Variants in STARD6 observed in about 807,000 individuals in gnomAD.
The protein encoded by STARD6 is stAR-related lipid transfer protein 6.
STARD6 carries 21 observed loss-of-function variants against 22.3 expected under a neutral mutation model. The observed-to-expected ratio is 0.94, with a 90% confidence interval of 0.67 to 1.35. The LOEUF is 1.35. Ranked by LOEUF, STARD6 falls within the 40% of genes most tolerant of loss-of-function variation. The pLI is 0.00. For synonymous variants in STARD6, 80 were observed against 88.1 expected (o/e 0.91, Z 0.52); for missense variants, 269 against 266.9 (o/e 1.01, Z -0.05).
chr18:54,339,020 C>T (rs576976572), intron 4 of STARD6, among the ~76,000 whole-genome samples: 21 of 123,854 alleles, frequency 1.7e-4, no homozygotes, highest in African/African-American at 5.8e-4. Context: ...TGCACTCCAG[C>T]CTGGCGACAG....
chr18:54,341,595 T>C (rs1197420938), intron 4 of STARD6, among the ~76,000 whole-genome samples: 1 of 152,210 alleles, frequency 6.6e-6, no homozygotes, highest in African/African-American at 2.4e-5. Flanking sequence ...CACAATGGAA[T>C]TAAATTTTAA....
chr18:54,326,524 G>A (rs1050385023), intron 7 of STARD6, among the ~76,000 whole-genome samples: 18 of 151,186 alleles, frequency 1.2e-4, no homozygotes, highest in Non-Finnish European at 2.7e-4. Flanking sequence ...TAGAGATGGG[G>A]TTTCACCATG....
At chr18:54,325,444 T>TGC (rs2088817615) in intron 7 of STARD6, among the ~76,000 whole-genome samples, 1 of 152,208 alleles carries the variant, frequency 6.6e-6, no homozygotes, top group Admixed American at 6.5e-5. Context: ...AGACAGTATT[T>TGC]CATTTTCTAT....
intron 7 of STARD6, among the ~76,000 whole-genome samples, chr18:54,328,015 C>G (rs901860360): frequency 5.3e-5 from 8 of 152,222 alleles, no homozygotes; most frequent in African/African-American, 1.9e-4. Flanking sequence ...GATGTGAAAT[C>G]ATCCCTTTAC....
In STARD6 at chr18:54,349,087, C is replaced by T. The variant is rs144499340; in HGVS notation, c.140+4967G>A. Among the ~76,000 whole-genome samples the T allele has an allele frequency of 1.1e-4, 16 of 151,962 alleles. 1 individual carries two copies. Among genetic ancestry groups the T allele is most frequent in the Non-Finnish European group, 2.2e-4 (15 of 67,974 alleles). On this transcript the variant is annotated intron_variant, in intron 4 of 7. Transcript: ENST00000307844. ...TGGTGCCTATTAAAGTTAGTATCCTCATCAAGTTTATATTCTAATATGAGA... is the reference window on the plus strand; with the variant it reads ...TGGTGCCTATTAAAGTTAGTATCCTTATCAAGTTTATATTCTAATATGAGA...
chr18:54,336,136 A>C (rs1374652174), intron 5 of STARD6, among the ~76,000 whole-genome samples: 1 of 150,998 alleles, frequency 6.6e-6, no homozygotes, highest in African/African-American at 2.4e-5. Context: ...TCAACTTTCT[A>C]CTCCAATTAC....
chr18:54,330,213 T>G (rs2088855508), intron 6 of STARD6, among the ~76,000 whole-genome samples: 1 of 152,086 alleles, frequency 6.6e-6, no homozygotes, highest in African/African-American at 2.4e-5. Context: ...GGAAATACAA[T>G]GTAAAACACT....
intron 4 of STARD6, among the ~76,000 whole-genome samples, chr18:54,337,502 G>T (rs1421255087): frequency 1.3e-5 from 2 of 152,146 alleles, no homozygotes; most frequent in African/African-American, 4.8e-5. Flanking sequence ...TTAAGTTTTT[G>T]GGGAGTCAAA....
chr18:54,326,785 TTGAA>T lies in STARD6; in HGVS notation c.480-1914_480-1911del, dbSNP rs199990051. ...TATTTATTATTAAATCAAAAATTAA[TTGAA>T]TGACAGTGCTGGAATTATACTCTCT... On this transcript the variant is annotated intron_variant, in intron 7 of 7. Coordinates refer to ENST00000307844, the MANE Select transcript of STARD6 (RefSeq NM_139171.2). Among the ~76,000 whole-genome samples the T allele has an allele frequency of 3.0e-4, 46 of 152,020 alleles. 1 individual carries two copies. The East Asian group carries it at 8.7e-3, about 29-fold the overall frequency.
At chr18:54,342,429 C>A (rs112878442) in intron 4 of STARD6, among the ~76,000 whole-genome samples, 3 of 21,364 alleles carry the variant, frequency 1.4e-4, no homozygotes, top group Middle Eastern at 0.042. Flanking sequence ...CTCCGTCTCC[C>A]TCTCCCTCTC....
intron 2 of STARD6, among the ~76,000 whole-genome samples, chr18:54,355,028 A>G (rs755983449): frequency 6.6e-6 from 1 of 152,206 alleles, no homozygotes; most frequent in Non-Finnish European, 1.5e-5. Context: ...CTTGTGAAGC[A>G]TTATGAGCTG....
At position 54,342,644 on chromosome 18, in the gene STARD6, G is replaced by C. The variant is rs1364882805; in HGVS notation, c.141-5393C>G. On this transcript the variant is annotated intron_variant, in intron 4 of 7. Coordinates refer to ENST00000307844, the MANE Select transcript of STARD6 (RefSeq NM_139171.2). Reference sequence around the variant, plus strand: ...GCGCCGCCACGCCTGACTGGTTTTGGTGGAGACGGGGTTTCGCTGTGTTGG... The same window carrying C: ...GCGCCGCCACGCCTGACTGGTTTTGCTGGAGACGGGGTTTCGCTGTGTTGG... Among the ~76,000 whole-genome samples, 8 of 117,146 alleles carry C rather than the reference G, an allele frequency of 6.8e-5. No individual in the cohort carries two copies. In the South Asian group the frequency reaches 1.2e-3, roughly 18 times the overall value. The allele number at this position is 117,146 out of a possible 152,430, so 76.9% of individuals were successfully genotyped here.
chr18:54,352,237 C>T (rs773375527), intron 4 of STARD6, among the ~76,000 whole-genome samples: 10 of 151,632 alleles, frequency 6.6e-5, no homozygotes, highest in East Asian at 1.9e-4. Context: ...TGCATGTAAA[C>T]GTGTTCACAG....
At position 54,346,349 on chromosome 18, in the gene STARD6, C is replaced by T. The variant is rs2089035322; in HGVS notation, c.140+7705G>A. On this transcript the variant is annotated intron_variant, in intron 4 of 7. Coordinates refer to ENST00000307844, the MANE Select transcript of STARD6 (RefSeq NM_139171.2). ...TCATTAAGGACATGTAAATCAAATC[C>T]ACAATGAGATACCACTACATACCCA... is the stretch of plus-strand genomic sequence containing the variant. Among the ~76,000 whole-genome samples, 3 of 151,968 alleles carry T rather than the reference C, an allele frequency of 2.0e-5. 1 individual carries two copies. Among genetic ancestry groups the T allele is most frequent in the African/African-American group, 7.2e-5 (3 of 41,386 alleles).
chr18:54,354,423 C>A, intron 3 of STARD6, 61 bp downstream of exon 3: 1 of 1,418,404 alleles, frequency 7.1e-7, no homozygotes, highest in Non-Finnish European at 9.9e-7. Flanking sequence ...AAAGTCTTTA[C>A]AATGAATTGT....
At chr18:54,357,143 A>C (rs545362508) in intron 1 of STARD6, 1 of 152,378 alleles carries the variant, frequency 6.6e-6, no homozygotes, top group South Asian at 2.1e-4. Flanking sequence ...TGGAAAATAA[A>C]CATAAACCAA....
intron 5 of STARD6, among the ~76,000 whole-genome samples, chr18:54,333,042 A>G (rs971061704): frequency 2.0e-5 from 3 of 152,234 alleles, no homozygotes. Context: ...GTTCTATCAC[A>G]TATTGGCTGC....
At chr18:54,356,682 CACTT>C (rs1347813169) in intron 1 of STARD6, among the ~76,000 whole-genome samples, 3 of 152,154 alleles carry the variant, frequency 2.0e-5, no homozygotes, top group Non-Finnish European at 4.4e-5. Flanking sequence ...TTTAAAAAGA[CACTT>C]AGGTGGAACG....
intron 5 of STARD6, among the ~76,000 whole-genome samples, chr18:54,332,642 A>T (rs1219534751): frequency 1.3e-5 from 2 of 152,210 alleles, no homozygotes; most frequent in African/African-American, 4.8e-5. Context: ...AATAAACTTC[A>T]GTCTACCTCA....
Sources: gnomAD v4.1 joint callset for allele counts (sites outside exome capture counted in the v4.1 genomes callset) on GRCh38, gnomAD v4.1.1 for gene constraint, MANE v1.5 for transcripts, NCBI Gene and HGNC (gene_info 2026-07-23, HGNC 2026-07-21) for gene names.